Variants in ALDH5A1 observed in about 807,000 individuals in gnomAD.
ALDH5A1 encodes aldehyde dehydrogenase 5 family member A1.
Under a neutral mutation model 54.7 loss-of-function variants are expected in ALDH5A1, and 33 were observed. The observed-to-expected ratio is 0.60, with a 90% CI of 0.46 to 0.81. The LOEUF (loss-of-function observed/expected upper bound fraction) is 0.81. Among genes scored for constraint, ALDH5A1 ranks in the 30% least tolerant of loss-of-function variants. The pLI, the probability that ALDH5A1 is intolerant of heterozygous loss-of-function variation, is 0.00. For missense variants in ALDH5A1, 657 were observed against 711.0 expected, an observed-to-expected ratio of 0.92 and a Z score of 0.86; for synonymous variants, 294 against 292.7, an observed-to-expected ratio of 1.00 and a Z score of -0.05.
chr6:24,534,378 ATTTCTGTCCTGTTTG>A lies in ALDH5A1; in HGVS notation c.*667_*681del. The stretch of plus-strand genomic sequence containing the variant: ...TTACCACTTAAAGAATTCTATTTTC[ATTTCTGTCCTGTTTG>A]CCACTTCATTTCATTTCCTTGAGTA... On this transcript the variant is annotated 3_prime_UTR_variant, in exon 10 of 10. Coordinates refer to ENST00000357578, the MANE Select transcript of ALDH5A1 (RefSeq NM_001080.3). 1 of 152,752 alleles carries A rather than the reference ATTTCTGTCCTGTTTG, an allele frequency of 6.5e-6. No homozygotes were observed. The highest frequency in any genetic ancestry group is 1.5e-5 in the Non-Finnish European group (1 of 68,372). 9.5% of individuals were successfully genotyped at this position (152,752 alleles called of 1,614,324 possible).
rs532636189 is a variant in ALDH5A1, at chr6:24,536,615, C to T, written c.*2903C>T. 4.9e-4 allele frequency: 75 copies of T among 152,334 alleles called. No individual in the cohort carries two copies. The highest frequency in any genetic ancestry group is 1.7e-3 in the African/African-American group (72 of 41,566). 9.4% of individuals were successfully genotyped at this position (152,334 alleles called of 1,614,324 possible). A position where few individuals can be genotyped will look rare whatever the true frequency, so the allele number is the denominator to read the frequency against. On this transcript the variant is annotated 3_prime_UTR_variant, in exon 10 of 10. Coordinates refer to ENST00000357578, the MANE Select transcript of ALDH5A1 (RefSeq NM_001080.3). ...TCCTGTGAAGAAAGTACTTTTCTGG[C>T]ATAGCTACCGTGAGTTCTCAGCAGG...
In ALDH5A1 at chr6:24,528,034, C is replaced by T. The variant is rs139719918; in HGVS notation, c.1211C>T (p.Ala404Val). Reference sequence around the variant, plus strand: ...GTGAATGATGCCGTTTCTAAAGGTGCCACCGTTGTGACAGGTGGAAAACGA... The same window carrying T: ...GTGAATGATGCCGTTTCTAAAGGTGTCACCGTTGTGACAGGTGGAAAACGA... ...KQVNDAVSKG[A>V]TVVTGGKRHQ... is the part of the protein sequence containing the mutation. The change falls in exon 8 of 10, where the codon GCC becomes GTC. Residue 404 changes from alanine (A) to valine (V), a missense_variant. This residue lies in a region of ALDH5A1 where 425 missense variants were observed against 516.4 expected (regional missense o/e 0.82). Transcript: ENST00000357578. The T allele has an allele frequency of 1.2e-6, 2 of 1,613,974 alleles. No individual in the cohort carries two copies. The highest frequency in any genetic ancestry group is 2.7e-5 in the African/African-American group (2 of 74,910).
At chr6:24,510,412 C>G (rs1195126233) in intron 4 of ALDH5A1, among the ~76,000 whole-genome samples, 1 of 151,940 alleles carries the variant, frequency 6.6e-6, no homozygotes, top group Non-Finnish European at 1.5e-5. Flanking sequence ...TTGAAATCCC[C>G]CATTATTATT....
At chr6:24,501,134 G>A (rs545940502) in intron 1 of ALDH5A1, among the ~76,000 whole-genome samples, 14 of 152,276 alleles carry the variant, frequency 9.2e-5, no homozygotes, top group South Asian at 2.1e-4. Flanking sequence ...CAAGGTAATC[G>A]TTGTAAGATG....
chr6:24,525,607 C>CG lies in ALDH5A1; in HGVS notation c.1174-2385dup, dbSNP rs1759784588. ...CCTGTAGTCCCAGCTACTCAGGAGG[C>CG]GGGGGCAAGAGAATCTCTTGAACCC... On this transcript the variant is annotated intron_variant, in intron 7 of 9. Transcript: ENST00000357578. Among the ~76,000 whole-genome samples the CG allele has an allele frequency of 2.0e-5, 3 of 151,882 alleles. No individual in the cohort carries two copies. In the South Asian group the frequency reaches 6.2e-4, roughly 32 times the overall value.
chr6:24,498,612 G>A (rs536987253), intron 1 of ALDH5A1, among the ~76,000 whole-genome samples: 4 of 152,350 alleles, frequency 2.6e-5, no homozygotes, highest in Admixed American at 2.6e-4. Context: ...ACATTACAGT[G>A]ATGTCAGCTT....
Position 24,526,345 on chromosome 6 carries a change from G to T in ALDH5A1, c.1174-1652G>T, listed in dbSNP as rs568093520. 4.6e-5 allele frequency among the ~76,000 whole-genome samples: 7 copies of T among 152,240 alleles called. No homozygotes were observed. In the South Asian group the frequency reaches 1.4e-3, roughly 32 times the overall value. ...CCCTGAAGGAAGCAGATAAATTAGGGAACTGGAAGGAAATTTTCTAAAAAT... is the reference window on the plus strand; with the variant it reads ...CCCTGAAGGAAGCAGATAAATTAGGTAACTGGAAGGAAATTTTCTAAAAAT... On this transcript the variant is annotated intron_variant, in intron 7 of 9. Transcript: ENST00000357578.
At chr6:24,495,440 T>C in intron 1 of ALDH5A1, 90 bp downstream of exon 1, 1 of 1,299,832 alleles carries the variant, frequency 7.7e-7, no homozygotes, top group East Asian at 2.7e-5. Flanking sequence ...ACCAGCCGCG[T>C]CGCCTCCCTC....
chr6:24,507,733 T>G (rs2127383775), intron 4 of ALDH5A1, among the ~76,000 whole-genome samples: 1 of 152,330 alleles, frequency 6.6e-6, no homozygotes, highest in Middle Eastern at 3.4e-3. Flanking sequence ...TCCCTAATTT[T>G]TAAAATTATC....
chr6:24,495,447 C>T, intron 1 of ALDH5A1, 97 bp downstream of exon 1: 3 of 1,226,078 alleles, frequency 2.4e-6, no homozygotes, highest in East Asian at 5.4e-5. Flanking sequence ...GCGTCGCCTC[C>T]CTCCTGTGCT....
chr6:24,522,856 G>A lies in ALDH5A1; in HGVS notation c.1104G>A (p.Leu368=). Residue 368 remains leucine, a synonymous_variant, in exon 7 of 10, where the codon CTG becomes CTA. Transcript: ENST00000357578. ...KAFAEAMKKN[L]RVGNGFEEGT... is the part of the protein sequence containing the mutation. The stretch of plus-strand genomic sequence containing the variant: ...TCGCCGAGGCCATGAAGAAGAACCT[G>A]CGCGTAGGTAATGGATTTGAGGAAG... 1 of 1,614,114 alleles carries A rather than the reference G, an allele frequency of 6.2e-7. No individual in the cohort carries two copies. The highest frequency in any genetic ancestry group is 8.5e-7 in the Non-Finnish European group (1 of 1,180,022).
At position 24,504,961 on chromosome 6, in the gene ALDH5A1, C is replaced by T. The variant is rs934316238; in HGVS notation, c.702C>T (p.Pro234=). The change falls in exon 4 of 10, where the codon CCC becomes CCT. Residue 234 remains proline (P), a synonymous_variant. Coordinates refer to ENST00000357578, the MANE Select transcript of ALDH5A1 (RefSeq NM_001080.3). ...TGGTGAAGCCTGCCGAAGACACGCCCTTCTCCGCCCTGGCCCTGGCTGAGG... is the reference window on the plus strand; with the variant it reads ...TGGTGAAGCCTGCCGAAGACACGCCTTTCTCCGCCCTGGCCCTGGCTGAGG... The part of the protein sequence containing the change: ...TVVVKPAEDT[P]FSALALAELA... 4.3e-6 allele frequency: 7 copies of T among 1,614,182 alleles called. No individual in the cohort carries two copies. Among genetic ancestry groups the T allele is most frequent in the Non-Finnish European group, 5.9e-6 (7 of 1,180,014 alleles).
At chr6:24,503,214 C>A in intron 2 of ALDH5A1, 49 bp from the exon 3 acceptor site, 1 of 1,596,170 alleles carries the variant, frequency 6.3e-7, no homozygotes, top group Admixed American at 1.7e-5. Flanking sequence ...CAGAGCCATG[C>A]TTTTATTATT....
At chr6:24,532,584 A>AGGAGT (rs1340313806) in intron 9 of ALDH5A1, among the ~76,000 whole-genome samples, 1 of 152,182 alleles carries the variant, frequency 6.6e-6, no homozygotes, top group Non-Finnish European at 1.5e-5. Flanking sequence ...GGACAATGAA[A>AGGAGT]GGAGTGAAGA....
At chr6:24,500,659 T>TAAC (rs1490248830) in intron 1 of ALDH5A1, among the ~76,000 whole-genome samples, 1 of 142,284 alleles carries the variant, frequency 7.0e-6, no homozygotes, top group African/African-American at 2.9e-5. Context: ...ATAATAATAA[T>TAAC]AATAATAATA....
chr6:24,499,910 C>T (rs960052267), intron 1 of ALDH5A1, among the ~76,000 whole-genome samples: 2 of 152,166 alleles, frequency 1.3e-5, no homozygotes, highest in African/African-American at 4.8e-5. Flanking sequence ...CCGCCCGCCT[C>T]GGCCTCCCGA....
intron 8 of ALDH5A1, among the ~76,000 whole-genome samples, chr6:24,529,136 A>G (rs1186228513): frequency 6.6e-6 from 1 of 151,854 alleles, no homozygotes; most frequent in Non-Finnish European, 1.5e-5. Context: ...CCCTTTGGAG[A>G]TATTACTCCT....
chr6:24,521,836 G>A (rs1036442026), intron 6 of ALDH5A1, among the ~76,000 whole-genome samples: 3 of 149,510 alleles, frequency 2.0e-5, no homozygotes, highest in Admixed American at 1.3e-4. Context: ...CTGGGCAACA[G>A]AGTGAGACTC....
At chr6:24,533,455 T>C (rs1759974193) in intron 9 of ALDH5A1, 52 bp from the exon 10 acceptor site, 1 of 1,583,882 alleles carries the variant, frequency 6.3e-7, no homozygotes, top group African/African-American at 1.3e-5. Context: ...TTAGGCATGA[T>C]GTCTTTAATG....
Sources: allele counts gnomAD v4.1 joint callset (sites outside exome capture counted in the v4.1 genomes callset), GRCh38; gene constraint gnomAD v4.1.1; regional missense constraint gnomAD v4.1.1; transcripts MANE v1.5; gene names NCBI Gene and HGNC (gene_info 2026-07-23, HGNC 2026-07-21).